Variants in TSKS observed in about 807,000 individuals in gnomAD.
The protein encoded by TSKS is testis specific serine kinase substrate.
In TSKS, 27 loss-of-function variants were observed where a neutral mutation model predicts 68.0. That is an observed-to-expected ratio of 0.40 (90% CI 0.29 to 0.55). TSKS has a LOEUF of 0.55. Among genes scored for constraint, TSKS ranks in the 20% least tolerant of loss-of-function variants. TSKS has a pLI of 0.53. For missense variants in TSKS, 806 were observed against 776.0 expected (o/e 1.04, Z -0.46); for synonymous variants, 331 against 340.4 (o/e 0.97, Z 0.30).
chr19:49,746,484 G>T lies in TSKS; in HGVS notation c.978C>A (p.Gly326=). ...GTCCCGCCCACCTCAGCTCTTCGAT[G>T]CCGGTGAACAGCTTCTGCAATTCCT... is the stretch of plus-strand genomic sequence containing the variant. ...SEQELQKLFT[G]IEELRREVSS... is the part of the protein sequence containing the mutation. Residue 326 remains glycine, a synonymous_variant, in exon 6 of 11, where the codon GGC becomes GGA. Coordinates refer to ENST00000246801, the MANE Select transcript of TSKS (RefSeq NM_021733.2). 3 of 1,613,964 alleles carry T rather than the reference G, an allele frequency of 1.9e-6. No homozygotes were observed. Among genetic ancestry groups the T allele is most frequent in the Non-Finnish European group, 2.5e-6 (3 of 1,179,940 alleles).
At chr19:49,742,799 A>C (rs1008770292) in intron 8 of TSKS, among the ~76,000 whole-genome samples, 4 of 151,466 alleles carry the variant, frequency 2.6e-5, no homozygotes, top group African/African-American at 7.3e-5. Context: ...GCCCAGCCAG[A>C]GTCACTATTC....
chr19:49,741,919 C>T lies in TSKS; in HGVS notation c.1463G>A (p.Cys488Tyr). 1 of 1,614,228 alleles carries T rather than the reference C, an allele frequency of 6.2e-7. No homozygotes were observed. The highest frequency in any genetic ancestry group is 8.5e-7 in the Non-Finnish European group (1 of 1,180,048). Residue 488 changes from cysteine to tyrosine, a missense_variant, in exon 9 of 11, where the codon TGT (cysteine) becomes TAT (tyrosine). Cys to Tyr is a radical substitution (Grantham distance 194). Coordinates refer to ENST00000246801, the MANE Select transcript of TSKS (RefSeq NM_021733.2). ...CTTGTGTAGCCTCTGACAGCTGGGA[C>T]AGGCAGGAGTCAGGCCCCTCTGCTT... ...EVKQRGLTPA[C>Y]PSCQRLHKKI... is the part of the protein sequence containing the mutation.
intron 2 of TSKS, among the ~76,000 whole-genome samples, chr19:49,751,708 A>G (rs2084351886): frequency 6.6e-6 from 1 of 152,086 alleles, no homozygotes; most frequent in Non-Finnish European, 1.5e-5. Context: ...AAAGCCGTGA[A>G]AGCATCTCTG....
chr19:49,759,228 T>C (rs1202685414), intron 2 of TSKS, among the ~76,000 whole-genome samples: 1 of 151,048 alleles, frequency 6.6e-6, no homozygotes, highest in Admixed American at 6.6e-5. Flanking sequence ...CCCAGCAGTT[T>C]GGGAGGCTGA....
chr19:49,741,923 C>A lies in TSKS; in HGVS notation c.1459G>T (p.Ala487Ser), dbSNP rs1055298030. 9.3e-6 allele frequency: 15 copies of A among 1,614,108 alleles called. No individual in the cohort carries two copies. Among genetic ancestry groups the A allele is most frequent in the African/African-American group, 1.3e-5 (1 of 74,940 alleles). ...TGTAGCCTCTGACAGCTGGGACAGG[C>A]AGGAGTCAGGCCCCTCTGCTTCACC... ...DEVKQRGLTP[A>S]CPSCQRLHKK... The change falls in exon 9 of 11, where the codon GCC becomes TCC. Residue 487 changes from alanine (A) to serine (S), a missense_variant. By Grantham distance (99) the Ala-to-Ser change is moderately conservative. Coordinates refer to ENST00000246801, the MANE Select transcript of TSKS (RefSeq NM_021733.2).
At chr19:49,750,386 A>G (rs1453382541) in intron 2 of TSKS, among the ~76,000 whole-genome samples, 2 of 151,428 alleles carry the variant, frequency 1.3e-5, no homozygotes, top group African/African-American at 2.4e-5. Flanking sequence ...AGCCTCCCGA[A>G]TAGCTGGGAC....
At chr19:49,753,253 T>G (rs1216456697) in intron 2 of TSKS, among the ~76,000 whole-genome samples, 2 of 152,026 alleles carry the variant, frequency 1.3e-5, no homozygotes, top group African/African-American at 4.8e-5. Flanking sequence ...TAGTAAAACC[T>G]AATCCCTTAA....
chr19:49,751,899 CAAAAAAAAAAA>C (rs61310693), intron 2 of TSKS, among the ~76,000 whole-genome samples: 3 of 41,680 alleles, frequency 7.2e-5, no homozygotes, highest in African/African-American at 2.3e-4. Context: ...CCCAACTCTA[CAAAAAAAAAAA>C]AAAAAAAAAA....
intron 8 of TSKS, among the ~76,000 whole-genome samples, chr19:49,742,961 C>G (rs1164926781): frequency 6.6e-6 from 1 of 152,090 alleles, no homozygotes; most frequent in Admixed American, 6.6e-5. Context: ...GTGTATCCCT[C>G]GGCTCTCACA....
At chr19:49,747,120 G>T in intron 5 of TSKS, 1 of 1,511,410 alleles carries the variant, frequency 6.6e-7, no homozygotes, top group South Asian at 1.2e-5. Context: ...AAATGAGTGG[G>T]CATGTGGACA....
At chr19:49,758,384 C>T (rs3889507) in intron 2 of TSKS, among the ~76,000 whole-genome samples, 17,104 of 152,150 alleles carry the variant, frequency 0.11, 1,069 homozygotes, top group South Asian at 0.25. Context: ...CGTTAGAGGC[C>T]GACACTCCCC....
chr19:49,746,250 C>G (rs1485919521), intron 6 of TSKS, among the ~76,000 whole-genome samples: 2 of 152,010 alleles, frequency 1.3e-5, no homozygotes, highest in Non-Finnish European at 2.9e-5. Flanking sequence ...CACCGCAGCT[C>G]CTGGAGACTC....
intron 3 of TSKS, 39 bp from the exon 4 acceptor site, chr19:49,748,207 A>G (rs759987857): frequency 4.4e-6 from 7 of 1,607,454 alleles, no homozygotes; most frequent in African/African-American, 1.3e-5. Flanking sequence ...CAAGGACACG[A>G]GGGGACAGCC....
intron 2 of TSKS, among the ~76,000 whole-genome samples, chr19:49,748,914 A>C (rs915936741): frequency 2.0e-5 from 3 of 152,094 alleles, no homozygotes; most frequent in Non-Finnish European, 4.4e-5. Flanking sequence ...TAAAAATACA[A>C]AAATTAGCTA....
At chr19:49,761,928 C>T in intron 2 of TSKS, 76 bp downstream of exon 2, 3 of 1,264,286 alleles carry the variant, frequency 2.4e-6, no homozygotes, top group Non-Finnish European at 3.4e-6. Flanking sequence ...AAACACCCCA[C>T]CCCCGTCCTA....
At chr19:49,748,225 A>G in intron 3 of TSKS, 57 bp from the exon 4 acceptor site, 2 of 1,598,144 alleles carry the variant, frequency 1.3e-6, no homozygotes, top group Non-Finnish European at 1.7e-6. Flanking sequence ...GCCTGTGGAA[A>G]AGAAGATCTG....
At position 49,763,161 on chromosome 19, in the gene TSKS, G is replaced by A; in HGVS notation, c.87C>T (p.Ser29=). 1 of 1,608,068 alleles carries A rather than the reference G, an allele frequency of 6.2e-7. No homozygotes were observed. Among genetic ancestry groups the A allele is most frequent in the Non-Finnish European group, 8.5e-7 (1 of 1,177,128 alleles). ...TCCGGGGAGCCTCTGGGACTAGCTG[G>A]GAGCAGCTCTCCACCCCCGTGGGGG... ...GDTPTGVESC[S]QLVPEAPRRV... The change falls in exon 1 of 11, where the codon TCC becomes TCT. Residue 29 remains serine (S), a synonymous_variant. Transcript: ENST00000246801. This position sits in a 1 kb window ranked among gnomAD's most constrained non-coding sequence, Gnocchi z 4.5.
chr19:49,757,271 C>T (rs377206513), intron 2 of TSKS, among the ~76,000 whole-genome samples: 3 of 152,168 alleles, frequency 2.0e-5, no homozygotes, highest in African/African-American at 7.2e-5. Context: ...AACCTCTGGC[C>T]CCAGTCCAAC....
intron 2 of TSKS, among the ~76,000 whole-genome samples, chr19:49,749,253 T>C (rs2084328849): frequency 6.6e-6 from 1 of 152,182 alleles, no homozygotes; most frequent in African/African-American, 2.4e-5. Flanking sequence ...TGGCCTATTT[T>C]ACAAGTGAGA....
Sources: gnomAD v4.1 joint callset for allele counts (sites outside exome capture counted in the v4.1 genomes callset) on GRCh38, gnomAD v4.1.1 for gene constraint, Gnocchi (gnomAD v3.1) non-coding constraint, MANE v1.5 for transcripts, NCBI Gene and HGNC (gene_info 2026-07-23, HGNC 2026-07-21) for gene names.